Variants in FBXO36 observed in about 807,000 individuals in gnomAD.
The protein encoded by FBXO36 is F-box only protein 36.
FBXO36 carries 18 observed loss-of-function variants against 17.0 expected under a neutral mutation model. The observed-to-expected ratio is 1.06, with a 90% confidence interval of 0.73 to 1.57. FBXO36 has a LOEUF of 1.57. Among genes scored for constraint, FBXO36 ranks in the 40% most tolerant of loss-of-function variants. The pLI, the probability that FBXO36 is intolerant of heterozygous loss-of-function variation, is 0.00. For missense variants in FBXO36, 229 were observed against 221.9 expected (o/e 1.03, Z -0.20); for synonymous variants, 83 against 85.3 (o/e 0.97, Z 0.15).
chr2:229,952,688 C>T (rs1395502688), intron 1 of FBXO36, among the ~76,000 whole-genome samples: 1 of 152,118 alleles, frequency 6.6e-6, no homozygotes, highest in African/African-American at 2.4e-5. Context: ...ACCCTCCCAG[C>T]CCCCCAGCCT....
At position 229,969,180 on chromosome 2, in the gene FBXO36, C is replaced by T. The variant is rs111557202; in HGVS notation, c.97-7061C>T. On this transcript the variant is annotated intron_variant, in intron 1 of 3. Coordinates refer to ENST00000283946, the MANE Select transcript of FBXO36 (RefSeq NM_174899.5). ...CTCAAGCATTACCAAAATCTAAAGA[C>T]GCATAATTAGAATTCTACCAAGATC... Among the ~76,000 whole-genome samples the T allele has an allele frequency of 2.7e-3, 410 of 151,824 alleles. 3 individuals are homozygous for T. The highest frequency in any genetic ancestry group is 4.4e-3 in the Non-Finnish European group (297 of 67,936).
intron 1 of FBXO36, among the ~76,000 whole-genome samples, chr2:229,963,653 C>T (rs2077136320): frequency 6.6e-6 from 1 of 151,878 alleles, no homozygotes; most frequent in African/African-American, 2.4e-5. Context: ...ACCGTGTTAA[C>T]CAGGATGGTC....
intron 1 of FBXO36, among the ~76,000 whole-genome samples, chr2:229,953,669 C>T (rs1457805452): frequency 6.7e-6 from 1 of 149,100 alleles, no homozygotes; most frequent in Non-Finnish European, 1.5e-5. Context: ...GATATCTTGT[C>T]TCAGAGAAAA....
At chr2:229,922,827 T>C (rs1317346642) in intron 1 of FBXO36, among the ~76,000 whole-genome samples, 1 of 152,172 alleles carries the variant, frequency 6.6e-6, no homozygotes, top group Non-Finnish European at 1.5e-5. Flanking sequence ...CTGGCAAGCC[T>C]TCTCTGCCTC....
chr2:229,949,924 C>CAAAACAAAAACA, intron 1 of FBXO36, among the ~76,000 whole-genome samples: 1 of 152,116 alleles, frequency 6.6e-6, no homozygotes, highest in South Asian at 2.1e-4. Context: ...GACTCCGTCT[C>CAAAACAAAAACA]AAAACAAAAA....
intron 1 of FBXO36, among the ~76,000 whole-genome samples, chr2:229,924,217 C>T (rs1344371310): frequency 1.3e-5 from 2 of 152,254 alleles, no homozygotes; most frequent in African/African-American, 2.4e-5. Flanking sequence ...CTCAGCCCCC[C>T]GAGTAACTGG....
At chr2:229,987,164 T>C (rs1346575440) in intron 2 of FBXO36, among the ~76,000 whole-genome samples, 2 of 151,060 alleles carry the variant, frequency 1.3e-5, no homozygotes, top group Admixed American at 6.6e-5. Flanking sequence ...TGAGTCAAGA[T>C]TGTGGCCATT....
intron 2 of FBXO36, among the ~76,000 whole-genome samples, chr2:229,983,498 G>T (rs1577354715): frequency 6.6e-6 from 1 of 152,026 alleles, no homozygotes; most frequent in Admixed American, 6.5e-5. Flanking sequence ...TAGAGATGAG[G>T]TCTTGCTATG....
At chr2:230,008,674 C>T (rs888881742) in intron 3 of FBXO36, among the ~76,000 whole-genome samples, 4 of 152,148 alleles carry the variant, frequency 2.6e-5, no homozygotes, top group African/African-American at 9.7e-5. Context: ...CTGAAATGTA[C>T]TGTGCTAGTA....
chr2:229,983,380 A>AC (rs1359896384), intron 2 of FBXO36, among the ~76,000 whole-genome samples: 4 of 151,808 alleles, frequency 2.6e-5, no homozygotes, highest in African/African-American at 9.7e-5. Context: ...CATCTCAAAA[A>AC]AAAAACAAAA....
chr2:229,990,813 T>C (rs2077294122), intron 2 of FBXO36, among the ~76,000 whole-genome samples: 1 of 152,224 alleles, frequency 6.6e-6, no homozygotes, highest in African/African-American at 2.4e-5. Flanking sequence ...ATATAATTCT[T>C]TGAGAGTTTA....
chr2:229,998,205 C>T (rs2106211271), intron 3 of FBXO36, among the ~76,000 whole-genome samples: 2 of 152,290 alleles, frequency 1.3e-5, no homozygotes, highest in Middle Eastern at 3.4e-3. Context: ...GGCACAGTGG[C>T]TCATGACTGT....
chr2:229,998,289 T>G (rs890033289), intron 3 of FBXO36, among the ~76,000 whole-genome samples: 5 of 152,026 alleles, frequency 3.3e-5, no homozygotes, highest in African/African-American at 9.7e-5. Context: ...TTGGGCAAAA[T>G]AGGGAGATTC....
At chr2:229,954,489 C>T (rs1360622152) in intron 1 of FBXO36, among the ~76,000 whole-genome samples, 18 of 150,178 alleles carry the variant, frequency 1.2e-4, no homozygotes, top group South Asian at 6.3e-4. Context: ...GTGATCTGCC[C>T]GCTTCGGCCT....
chr2:229,994,488 C>T (rs2077314672), intron 2 of FBXO36, among the ~76,000 whole-genome samples: 1 of 152,198 alleles, frequency 6.6e-6, no homozygotes, highest in East Asian at 1.9e-4. Flanking sequence ...ATAAACACAG[C>T]CCACACCTTA....
intron 2 of FBXO36, among the ~76,000 whole-genome samples, chr2:229,995,588 C>CTTTTTTTTTTTTTTTTT (rs1560454291): frequency 2.5e-5 from 3 of 121,346 alleles, no homozygotes; most frequent in Non-Finnish European, 3.5e-5. Flanking sequence ...CTTTCTCTTT[C>CTTTTTTTTTTTTTTTTT]TTTCTTTCTT....
chr2:229,980,058 G>GT (rs2077229999), intron 2 of FBXO36, among the ~76,000 whole-genome samples: 2 of 151,312 alleles, frequency 1.3e-5, no homozygotes. Context: ...TTTGTTTTTT[G>GT]TTTTTTTGAG....
chr2:230,007,460 C>T (rs7608112), intron 3 of FBXO36, among the ~76,000 whole-genome samples: 32,575 of 152,084 alleles, frequency 0.21, 3,570 homozygotes, highest in Admixed American at 0.26. Context: ...CAGGTGAAGC[C>T]CCTGGGGCAC....
At chr2:229,950,196 G>A (rs1486733486) in intron 1 of FBXO36, among the ~76,000 whole-genome samples, 2 of 152,122 alleles carry the variant, frequency 1.3e-5, no homozygotes, top group African/African-American at 4.8e-5. Flanking sequence ...GGGAGCCTGA[G>A]GTGGGTGGAT....
Sources: gnomAD v4.1 joint callset for allele counts (sites outside exome capture counted in the v4.1 genomes callset) on GRCh38, gnomAD v4.1.1 for gene constraint, MANE v1.5 for transcripts, NCBI Gene and HGNC (gene_info 2026-07-23, HGNC 2026-07-21) for gene names.